KHDRBS2: variants seen among roughly 807,000 people sequenced by gnomAD.
The protein encoded by KHDRBS2 is KH RNA binding domain containing, signal transduction associated 2, also known as KH domain-containing, RNA-binding, signal transduction-associated protein 2.
A neutral mutation model predicts 44.3 loss-of-function variants in KHDRBS2; 26 were observed. The observed-to-expected ratio is 0.59, with a 90% confidence interval of 0.43 to 0.81. KHDRBS2 has a LOEUF of 0.81. KHDRBS2 is among the 40% of genes least tolerant of loss of function. The pLI is 0.00. For missense variants in KHDRBS2, 476 were observed against 433.1 expected (o/e 1.10, Z -0.88); for synonymous variants, 194 against 151.1 (o/e 1.28, Z -2.08).
the KHDRBS2 span, among the ~76,000 whole-genome samples, chr6:61,578,048 A>T: frequency 2.6e-5 from 4 of 152,148 alleles, no homozygotes; most frequent in Non-Finnish European, 5.9e-5. Context: ...AAGAAATCTC[A>T]TGTCTTGAAG....
At chr6:62,185,554 G>A (rs1030237542) in intron 1 of KHDRBS2, among the ~76,000 whole-genome samples, 3 of 151,858 alleles carry the variant, frequency 2.0e-5, no homozygotes, top group African/African-American at 7.2e-5. Flanking sequence ...ACAAATCAGT[G>A]CTAAATAATA....
chr6:61,806,699 G>A (rs904151371), intron 6 of KHDRBS2, among the ~76,000 whole-genome samples: 2 of 151,864 alleles, frequency 1.3e-5, no homozygotes, highest in Non-Finnish European at 2.9e-5. Flanking sequence ...AATTTTAAAT[G>A]TTGATGTAAT....
the KHDRBS2 span, among the ~76,000 whole-genome samples, chr6:61,625,961 T>A: frequency 2.0e-5 from 3 of 152,244 alleles, no homozygotes; most frequent in African/African-American, 4.8e-5. Flanking sequence ...ATTTTGATTA[T>A]GTGAGCAAAT....
intron 1 of KHDRBS2, among the ~76,000 whole-genome samples, chr6:62,198,000 C>A (rs1324305584): frequency 6.6e-6 from 1 of 151,952 alleles, no homozygotes; most frequent in Non-Finnish European, 1.5e-5. Flanking sequence ...GGGTAAAAAA[C>A]GAAATAAAGG....
At chr6:61,777,614 A>G (rs1782283231) in intron 6 of KHDRBS2, among the ~76,000 whole-genome samples, 1 of 152,198 alleles carries the variant, frequency 6.6e-6, no homozygotes. Context: ...AAGCCTCCAG[A>G]GAGTTCCATG....
rs58225438 is a variant in KHDRBS2 at position 62,210,385 on chromosome 6, T to G, written c.92-33073A>C. Among the ~76,000 whole-genome samples, 1,504 of 150,990 alleles carry G rather than the reference T, an allele frequency of 1.0e-2. 31 individuals carry two copies. The highest frequency in any genetic ancestry group is 0.034 in the African/African-American group (1,409 of 41,124). ...CGCTCTTGTCCCCTAGGCTGGAGTT[T>G]GATGGCACAATCTTGGCTCATTGCA... On this transcript the variant is annotated intron_variant, in intron 1 of 8. Coordinates refer to ENST00000281156, the MANE Select transcript of KHDRBS2 (RefSeq NM_152688.4).
At chr6:61,819,165 A>G (rs1789474697) in intron 6 of KHDRBS2, among the ~76,000 whole-genome samples, 1 of 151,962 alleles carries the variant, frequency 6.6e-6, no homozygotes, top group South Asian at 2.1e-4. Context: ...GGCAGGAGGT[A>G]TTTAATGTGT....
intron 2 of KHDRBS2, among the ~76,000 whole-genome samples, chr6:62,084,335 A>G (rs1798006977): frequency 1.3e-5 from 2 of 152,224 alleles, no homozygotes; most frequent in Admixed American, 1.3e-4. Flanking sequence ...TAAAGATTTA[A>G]CATTATCCAA....
In KHDRBS2 at chr6:61,960,798, G is replaced by T. The variant is rs998938935; in HGVS notation, c.483+17268C>A. ...TTGAGAACAAATTTTAAGATTAAAG[G>T]CTTAATCTTCATGAGGTAAAGAGTA... is the stretch of plus-strand genomic sequence containing the variant. On this transcript the variant is annotated intron_variant, in intron 4 of 8. Coordinates refer to ENST00000281156, the MANE Select transcript of KHDRBS2 (RefSeq NM_152688.4). Among the ~76,000 whole-genome samples the T allele has an allele frequency of 4.6e-5, 7 of 152,116 alleles. No individual in the cohort carries two copies. The East Asian group carries it at 1.4e-3, about 29-fold the overall frequency.
At chr6:61,694,425 T>A (rs892548555) in intron 8 of KHDRBS2, among the ~76,000 whole-genome samples, 2 of 152,208 alleles carry the variant, frequency 1.3e-5, no homozygotes, top group Non-Finnish European at 2.9e-5. Flanking sequence ...CATCATCATG[T>A]TCTCAGAGAC....
intron 2 of KHDRBS2, among the ~76,000 whole-genome samples, chr6:62,054,150 G>C (rs758742636): frequency 6.6e-6 from 1 of 152,018 alleles, no homozygotes; most frequent in Non-Finnish European, 1.5e-5. Flanking sequence ...AATCACCATA[G>C]GGTTTGGATC....
chr6:61,652,577 T>C, the KHDRBS2 span, among the ~76,000 whole-genome samples: 3 of 152,060 alleles, frequency 2.0e-5, no homozygotes, highest in African/African-American at 7.2e-5. Context: ...TAACAAATTA[T>C]TAATGATGGG....
chr6:62,223,976 C>A (rs1211245724), intron 1 of KHDRBS2, among the ~76,000 whole-genome samples: 2 of 152,140 alleles, frequency 1.3e-5, no homozygotes, highest in Admixed American at 6.5e-5. Flanking sequence ...TTCCTGTTAC[C>A]CAGTTCCAAA....
At chr6:62,156,991 G>A (rs1816583030) in intron 2 of KHDRBS2, among the ~76,000 whole-genome samples, 1 of 150,912 alleles carries the variant, frequency 6.6e-6, no homozygotes, top group Non-Finnish European at 1.5e-5. Flanking sequence ...GGCCAATTTT[G>A]TAGCTTTTTA....
chr6:61,603,651 T>C, the KHDRBS2 span, among the ~76,000 whole-genome samples: 5 of 152,238 alleles, frequency 3.3e-5, no homozygotes, highest in Admixed American at 6.5e-5. Context: ...CAAACTATGC[T>C]CAACTCACTC....
At chr6:62,142,454 A>G (rs994941059) in intron 2 of KHDRBS2, among the ~76,000 whole-genome samples, 2 of 152,066 alleles carry the variant, frequency 1.3e-5, no homozygotes, top group African/African-American at 4.8e-5. Context: ...CCATAACATG[A>G]TTAGCTCTTC....
At chr6:61,661,736 T>C in the KHDRBS2 span, among the ~76,000 whole-genome samples, 6 of 151,574 alleles carry the variant, frequency 4.0e-5, no homozygotes, top group Non-Finnish European at 2.9e-5. Context: ...CACTGCTCAA[T>C]GAAATAAAAG....
At chr6:61,557,209 G>T in the KHDRBS2 span, among the ~76,000 whole-genome samples, 50 of 151,976 alleles carry the variant, frequency 3.3e-4, no homozygotes, top group Admixed American at 8.5e-4. Flanking sequence ...TAATAATATT[G>T]CATTATATAT....
chr6:61,938,576 G>T (rs1490273201), intron 4 of KHDRBS2, among the ~76,000 whole-genome samples: 4 of 152,138 alleles, frequency 2.6e-5, no homozygotes, highest in Non-Finnish European at 2.9e-5. Flanking sequence ...GGTTACTCTG[G>T]TAGTGTTCTA....
Sources: allele counts gnomAD v4.1 joint callset (sites outside exome capture counted in the v4.1 genomes callset), GRCh38; gene constraint gnomAD v4.1.1; transcripts MANE v1.5; gene names NCBI Gene and HGNC (gene_info 2026-07-23, HGNC 2026-07-21).